Variants in SPATA31A5 observed in about 807,000 individuals in gnomAD.
SPATA31A5 encodes the protein spermatogenesis-associated protein 31A5.
intron 1 of SPATA31A5, among the ~76,000 whole-genome samples, chr9:60,915,187 C>G (rs1195019686): frequency 1.9e-4 from 15 of 77,000 alleles, no homozygotes; most frequent in African/African-American, 7.5e-4. Context: ...GAAAATCCCT[C>G]TGTGTGTGTG....
At chr9:60,915,345 G>C (rs1397010422) in intron 1 of SPATA31A5, among the ~76,000 whole-genome samples, 1 of 63,082 alleles carries the variant, frequency 1.6e-5, no homozygotes, top group African/African-American at 5.6e-5. Flanking sequence ...GTGAAATGGA[G>C]TGATATCGGC....
chr9:60,915,159 C>T (rs1355921284), intron 1 of SPATA31A5, among the ~76,000 whole-genome samples: 1 of 79,760 alleles, frequency 1.3e-5, no homozygotes, highest in African/African-American at 5.7e-5. Context: ...TGAAGGTGTC[C>T]GTGGTGGACC....
chr9:60,916,984 CT>C lies in SPATA31A5; in HGVS notation c.529del (p.Ser177GlnfsTer5). The stretch of plus-strand genomic sequence containing the variant: ...CCCCATCACCAGGCCCAATGACCAC[CT>C]CAGTCTCCTCCCTAAGTGCCTCCCA... ...STPSPGPMTT[S>X]VSSLSASQPP... On this transcript the variant is annotated frameshift_variant, in exon 4 of 4. Coordinates refer to ENST00000437823, the MANE Select transcript of SPATA31A5 (RefSeq NM_001113541.3). LOFTEE classifies it high-confidence loss of function. 1.6e-5 allele frequency: 1 copy of C among 62,112 alleles called. No homozygotes were observed. Among genetic ancestry groups the C allele is most frequent in the African/African-American group, 2.4e-4 (1 of 4,180 alleles). The allele number at this position is 62,112 out of a possible 1,614,324, so 3.8% of individuals were successfully genotyped here.
chr9:60,915,220 T>TGTGTGTGC (rs1162236203), intron 1 of SPATA31A5, among the ~76,000 whole-genome samples: 12 of 119,054 alleles, frequency 1.0e-4, no homozygotes, highest in Non-Finnish European at 2.2e-4. Context: ...TGTGTGTGTG[T>TGTGTGTGC]GTGTATTTTT....
At chr9:60,915,187 CTGTG>C (rs1161833993) in intron 1 of SPATA31A5, among the ~76,000 whole-genome samples, 6 of 76,982 alleles carry the variant, frequency 7.8e-5, no homozygotes, top group Non-Finnish European at 1.1e-4. Context: ...GAAAATCCCT[CTGTG>C]TGTGTGTGTG....
At chr9:60,915,307 G>A (rs1361431524) in intron 1 of SPATA31A5, among the ~76,000 whole-genome samples, 5 of 70,170 alleles carry the variant, frequency 7.1e-5, no homozygotes, top group African/African-American at 2.3e-4. Context: ...TTTTTGAGAT[G>A]GAGTCTCGCT....
intron 1 of SPATA31A5, among the ~76,000 whole-genome samples, chr9:60,915,187 C>CTGTGTG (rs1161833993): frequency 0.032 from 2,447 of 75,300 alleles, 38 homozygotes; most frequent in African/African-American, 0.083. Flanking sequence ...GAAAATCCCT[C>CTGTGTG]TGTGTGTGTG....
chr9:60,915,387 G>A (rs1342505711), intron 1 of SPATA31A5, among the ~76,000 whole-genome samples: 4 of 16,498 alleles, frequency 2.4e-4, no homozygotes, highest in Non-Finnish European at 3.5e-4. Context: ...GAGTTCAAGC[G>A]ATTCTCCTGT....
intron 1 of SPATA31A5, among the ~76,000 whole-genome samples, chr9:60,915,315 G>A (rs978355058): frequency 1.6e-4 from 11 of 68,436 alleles, no homozygotes; most frequent in South Asian, 1.6e-3. Context: ...ATGGAGTCTC[G>A]CTCTGTGGTG....
chr9:60,915,903 TA>T, intron 2 of SPATA31A5, 23 bp downstream of exon 2: 1 of 725,862 alleles, frequency 1.4e-6, no homozygotes, highest in South Asian at 1.6e-5. Context: ...CAGAGCACAC[TA>T]GGGTTAATTT....
intron 1 of SPATA31A5, among the ~76,000 whole-genome samples, chr9:60,915,179 A>G (rs1825495393): frequency 2.5e-5 from 2 of 79,828 alleles, no homozygotes; most frequent in African/African-American, 1.3e-4. Flanking sequence ...CTCATATTGA[A>G]AATCCCTCTG....
At chr9:60,915,250 T>TTA (rs1825499299) in intron 1 of SPATA31A5, among the ~76,000 whole-genome samples, 1 of 87,596 alleles carries the variant, frequency 1.1e-5, no homozygotes, top group Admixed American at 1.2e-4. Context: ...GTGTGTGTTA[T>TTA]TTTTATTTTA....
At position 60,915,250 on chromosome 9, in the gene SPATA31A5, T is replaced by TTTTTATTTTATTTTA. The variant is rs758221670; in HGVS notation, c.190-538_190-524dup. 1.0e-3 allele frequency among the ~76,000 whole-genome samples: 90 copies of TTTTTATTTTATTTTA among 87,594 alleles called. 1 individual carries two copies. The highest frequency in any genetic ancestry group is 1.8e-3 in the Admixed American group (15 of 8,396). 57.5% of individuals were successfully genotyped at this position (87,594 alleles called of 152,430 possible). A position where few individuals can be genotyped will look rare whatever the true frequency, so the allele number is the denominator to read the frequency against. On this transcript the variant is annotated intron_variant, in intron 1 of 3. Coordinates refer to ENST00000437823, the MANE Select transcript of SPATA31A5 (RefSeq NM_001113541.3). Reference sequence around the variant, plus strand: ...ATTTTTATTTTATTTGTGTGTGTTATTTTTATTTTATTTTATTTTATTTTA... The same window carrying TTTTTATTTTATTTTA: ...ATTTTTATTTTATTTGTGTGTGTTATTTTTATTTTATTTTATTTTATTTTATTTTATTTTATTTTA...
intron 1 of SPATA31A5, among the ~76,000 whole-genome samples, chr9:60,915,093 C>T (rs925784770): frequency 0.015 from 739 of 49,882 alleles, 26 homozygotes; most frequent in Non-Finnish European, 0.024. Flanking sequence ...TACCTGATAG[C>T]TCAGCAGTGC....
At chr9:60,915,670 C>CA (rs1825510380) in intron 1 of SPATA31A5, 153 bp from the exon 2 acceptor site, 1 of 37,188 alleles carries the variant, frequency 2.7e-5, no homozygotes, top group East Asian at 5.8e-4. Flanking sequence ...CTGAGCAAGA[C>CA]AGAGAGAGCC....
In SPATA31A5 at chr9:60,915,187, CTGTGTGTGTGTG is replaced by C. The variant is rs1161833993; in HGVS notation, c.189+589_190-599del. 6.2e-4 allele frequency among the ~76,000 whole-genome samples: 48 copies of C among 76,934 alleles called. No individual in the cohort carries two copies. The South Asian group carries it at 9.4e-3, about 15-fold the overall frequency. The allele number at this position is 76,934 out of a possible 152,430, so 50.5% of individuals were successfully genotyped here. A position where few individuals can be genotyped will look rare whatever the true frequency, so the allele number is the denominator to read the frequency against. On this transcript the variant is annotated intron_variant, in intron 1 of 3. Coordinates refer to ENST00000437823, the MANE Select transcript of SPATA31A5 (RefSeq NM_001113541.3). ...GGTGGACCTCATATTGAAAATCCCT[CTGTGTGTGTGTG>C]TGTGTGTGTGTGTGTGTGTGTGTGT...
intron 1 of SPATA31A5, among the ~76,000 whole-genome samples, chr9:60,915,187 C>CTGTG (rs1161833993): frequency 0.055 from 4,138 of 74,892 alleles, 95 homozygotes; most frequent in African/African-American, 0.11. Flanking sequence ...GAAAATCCCT[C>CTGTG]TGTGTGTGTG....
chr9:60,915,890 T>TAA lies in SPATA31A5; in HGVS notation c.247+10_247+11insAA, dbSNP rs1825514786. 3.0e-6 allele frequency: 2 copies of TAA among 665,568 alleles called. No homozygotes were observed. Among genetic ancestry groups the TAA allele is most frequent in the African/African-American group, 5.4e-5 (2 of 37,244 alleles). 41.2% of individuals were successfully genotyped at this position (665,568 alleles called of 1,614,324 possible). ...AACCACAGTCTGAGAGGTAAGGCTC[T>TAA]GCCAGAGCACACTAGGGTTAATTTG... is the stretch of plus-strand genomic sequence containing the variant. On this transcript the variant is annotated intron_variant, in intron 2 of 3. Coordinates refer to ENST00000437823, the MANE Select transcript of SPATA31A5 (RefSeq NM_001113541.3).
In SPATA31A5 at chr9:60,915,238, TTGTG is replaced by T. The variant is rs1248586722; in HGVS notation, c.190-579_190-576del. Among the ~76,000 whole-genome samples the T allele has an allele frequency of 1.3e-3, 157 of 117,576 alleles. No homozygotes were observed. The South Asian group carries it at 0.021, about 16-fold the overall frequency. 77.1% of individuals were successfully genotyped at this position (117,576 alleles called of 152,430 possible). A position where few individuals can be genotyped will look rare whatever the true frequency, so the allele number is the denominator to read the frequency against. ...GTGTGTGTGTGTATTTTTATTTTAT[TTGTG>T]TGTGTTATTTTTATTTTATTTTATT... On this transcript the variant is annotated intron_variant, in intron 1 of 3. Coordinates refer to ENST00000437823, the MANE Select transcript of SPATA31A5 (RefSeq NM_001113541.3).
Sources: gnomAD v4.1 joint callset for allele counts (sites outside exome capture counted in the v4.1 genomes callset) on GRCh38, gnomAD v4.1.1 for gene constraint, MANE v1.5 for transcripts, NCBI Gene and HGNC (gene_info 2026-07-23, HGNC 2026-07-21) for gene names.